The following MBNL2 variants were observed in gnomAD, a reference collection of about 807,000 sequenced individuals.
MBNL2 encodes muscleblind like splicing regulator 2.
MBNL2 carries 17 observed loss-of-function variants against 41.9 expected under a neutral mutation model. The ratio of observed to expected loss-of-function variants is 0.41; its 90% CI spans 0.28 to 0.61. The LOEUF (loss-of-function observed/expected upper bound fraction) is 0.61, where lower values mean the gene tolerates loss of function less well. MBNL2 is among the 20% of genes least tolerant of loss of function. MBNL2 has a pLI of 0.35. For synonymous variants in MBNL2, 195 were observed against 182.9 expected, an observed-to-expected ratio of 1.07 and a Z score of -0.53; for missense variants, 336 against 505.6, an observed-to-expected ratio of 0.66 and a Z score of 3.22.
At chr13:97,173,738 C>G in the MBNL2 span, among the ~76,000 whole-genome samples, 1 of 152,204 alleles carries the variant, frequency 6.6e-6, no homozygotes, top group Admixed American at 6.5e-5. Flanking sequence ...CCCCCACAAA[C>G]AGCAGGATAT....
the MBNL2 span, among the ~76,000 whole-genome samples, chr13:97,187,243 G>A: frequency 1.3e-5 from 2 of 152,002 alleles, no homozygotes; most frequent in Non-Finnish European, 2.9e-5. Flanking sequence ...GTTTATAAAA[G>A]ATAGTCTTAT....
chr13:97,389,769 A>G (rs1442591943), intron 8 of MBNL2, among the ~76,000 whole-genome samples: 1 of 152,088 alleles, frequency 6.6e-6, no homozygotes, highest in African/African-American at 2.4e-5. Flanking sequence ...GTTATTTTAG[A>G]AACTTTTTTT....
At chr13:97,327,353 G>A (rs538657876) in intron 2 of MBNL2, among the ~76,000 whole-genome samples, 2 of 152,044 alleles carry the variant, frequency 1.3e-5, no homozygotes, top group African/African-American at 4.8e-5. Context: ...TGTAACTGTT[G>A]TTTCATGTGG....
At chr13:97,288,381 T>C (rs2055102499) in intron 2 of MBNL2, among the ~76,000 whole-genome samples, 1 of 152,210 alleles carries the variant, frequency 6.6e-6, no homozygotes. Flanking sequence ...TTAAGCCATT[T>C]TCTGTTAGCA....
chr13:97,231,804 T>G (rs914125671), intron 1 of MBNL2, among the ~76,000 whole-genome samples: 12 of 152,102 alleles, frequency 7.9e-5, no homozygotes, highest in South Asian at 2.1e-4. Flanking sequence ...CAGAGTTGTT[T>G]TTTTTTTTAT....
Position 97,392,796 on chromosome 13 carries a change from T to TA in MBNL2, c.*1353dup, listed in dbSNP as rs1286802651. On this transcript the variant is annotated 3_prime_UTR_variant, in exon 9 of 9. Coordinates refer to ENST00000679496, the MANE Select transcript of MBNL2 (RefSeq NM_001382683.1). ...CCTACATAGTTTTTAAATTATTGTT[T>TA]AAAAAACAAAACAGCTGTTATAAAT... The TA allele has an allele frequency of 6.6e-6, 1 of 152,458 alleles. No individual in the cohort carries two copies. Among genetic ancestry groups the TA allele is most frequent in the African/African-American group, 2.4e-5 (1 of 41,446 alleles). The allele number at this position is 152,458 out of a possible 1,614,324, so 9.4% of individuals were successfully genotyped here.
intron 1 of MBNL2, among the ~76,000 whole-genome samples, chr13:97,264,110 C>A (rs2049235746): frequency 6.6e-6 from 1 of 150,884 alleles, no homozygotes; most frequent in South Asian, 2.1e-4. Flanking sequence ...TCCCGAGTAG[C>A]TGGGGCTCGG....
At position 97,346,818 on chromosome 13, in the gene MBNL2, C is replaced by A; in HGVS notation, c.555C>A (p.Phe185Leu). ...RTDKLEVCRE[F>L]QRGNCARGET... ...CCCTGTCTTAGGTATGCAGGGAGTT[C>A]CAGCGAGGAAACTGTGCCCGGGGAG... The change falls in exon 5 of 9, where the codon TTC becomes TTA. Residue 185 changes from phenylalanine (F) to leucine (L), a missense_variant. Physicochemically the swap from Phe to Leu is conservative, Grantham distance 22. Coordinates refer to ENST00000679496, the MANE Select transcript of MBNL2 (RefSeq NM_001382683.1). The surrounding 1 kb of genome is among the most constrained non-coding windows in gnomAD (Gnocchi z 4.2). 1 of 1,613,898 alleles carries A rather than the reference C, an allele frequency of 6.2e-7. No homozygotes were observed. The highest frequency in any genetic ancestry group is 8.5e-7 in the Non-Finnish European group (1 of 1,179,842).
chr13:97,261,454 CT>C (rs1011073485), intron 1 of MBNL2, among the ~76,000 whole-genome samples: 2 of 152,192 alleles, frequency 1.3e-5, no homozygotes, highest in African/African-American at 4.8e-5. Context: ...CCTTTTTGTT[CT>C]TTTAAATTGT....
At chr13:97,332,581 A>T (rs896596778) in intron 2 of MBNL2, among the ~76,000 whole-genome samples, 4 of 152,244 alleles carry the variant, frequency 2.6e-5, no homozygotes, top group Non-Finnish European at 4.4e-5. Flanking sequence ...TAAAAATTTT[A>T]AAAAGATTCA....
the MBNL2 span, among the ~76,000 whole-genome samples, chr13:97,180,754 A>C: frequency 5.2e-5 from 7 of 135,662 alleles, no homozygotes; most frequent in Non-Finnish European, 9.6e-5. Flanking sequence ...AAAAAAAAAA[A>C]AAAAAAAAAA....
At chr13:97,391,273 T>A (rs1414840272) in intron 8 of MBNL2, 49 bp from the exon 9 acceptor site, 1 of 822,718 alleles carries the variant, frequency 1.2e-6, no homozygotes, top group Non-Finnish European at 2.1e-6. Context: ...ACTCATTATT[T>A]TTCCTCCCAG....
chr13:97,312,693 AT>A (rs1228694343), intron 2 of MBNL2, among the ~76,000 whole-genome samples: 1 of 152,302 alleles, frequency 6.6e-6, no homozygotes, highest in East Asian at 1.9e-4. Context: ...CACAACTTAG[AT>A]TCATTTTATT....
rs1279708751 is a variant in MBNL2, at chr13:97,276,289, C to T, written c.54C>T (p.Val18=). 1 of 1,613,878 alleles carries T rather than the reference C, an allele frequency of 6.2e-7. No individual in the cohort carries two copies. Among genetic ancestry groups the T allele is most frequent in the Non-Finnish European group, 8.5e-7 (1 of 1,179,882 alleles). ...VRDTKWLTLE[V]CRQFQRGTCS... The stretch of plus-strand genomic sequence containing the variant: ...ATACAAAATGGCTGACATTAGAAGT[C>T]TGCAGACAGTTTCAAAGAGGAACAT... Residue 18 remains valine, a synonymous_variant, in exon 2 of 9, where the codon GTC becomes GTT. Coordinates refer to ENST00000679496, the MANE Select transcript of MBNL2 (RefSeq NM_001382683.1).
In MBNL2 at chr13:97,353,863, TG is replaced by T. The variant is rs76434097; in HGVS notation, c.805-2932del. Among the ~76,000 whole-genome samples the T allele has an allele frequency of 0.018, 2,746 of 152,256 alleles. 118 individuals carry two copies. In the East Asian group the frequency reaches 0.18, roughly 10 times the overall value. ...TACGTTTCGATTGTTCAGGAAAGTC[TG>T]TACAGGAACTTTGATTGGCATCCTG... On this transcript the variant is annotated intron_variant, in intron 5 of 8. Transcript: ENST00000679496.
intron 1 of MBNL2, among the ~76,000 whole-genome samples, chr13:97,264,147 C>A (rs1160796922): frequency 1.3e-5 from 2 of 151,766 alleles, no homozygotes; most frequent in African/African-American, 4.8e-5. Context: ...CCTGCCTCAG[C>A]CTCCCGAGTA....
chr13:97,346,707 A>G lies in MBNL2; in HGVS notation c.541-97A>G, dbSNP rs1181533434. On this transcript the variant is annotated intron_variant, in intron 4 of 8. Coordinates refer to ENST00000679496, the MANE Select transcript of MBNL2 (RefSeq NM_001382683.1). This position sits in a 1 kb window ranked among gnomAD's most constrained non-coding sequence, Gnocchi z 4.2. ...CAGTGGTACATGAGCCACCATTGAA[A>G]GCGAGGCAGCCTCCGCTCCTCCCGC... The G allele has an allele frequency of 2.1e-6, 2 of 937,990 alleles. No individual in the cohort carries two copies. The highest frequency in any genetic ancestry group is 2.6e-5 in the Admixed American group (1 of 39,078). 58.1% of individuals were successfully genotyped at this position (937,990 alleles called of 1,614,324 possible). A position where few individuals can be genotyped will look rare whatever the true frequency, so the allele number is the denominator to read the frequency against.
chr13:97,253,791 CTTA>C (rs1253915118), intron 1 of MBNL2, among the ~76,000 whole-genome samples: 1 of 151,186 alleles, frequency 6.6e-6, no homozygotes, highest in African/African-American at 2.4e-5. Context: ...TTAATAAGTT[CTTA>C]TTAATACTTA....
chr13:97,289,219 G>A lies in MBNL2; in HGVS notation c.174+12810G>A, dbSNP rs570854862. Among the ~76,000 whole-genome samples, 121 of 152,288 alleles carry A rather than the reference G, an allele frequency of 7.9e-4. 1 individual carries two copies. The highest frequency in any genetic ancestry group is 2.8e-3 in the African/African-American group (116 of 41,566). On this transcript the variant is annotated intron_variant, in intron 2 of 8. Transcript: ENST00000679496. ...ATCTTAATATAAAAACTTATGTGTT[G>A]AAAAGTAGAATAGAATATATAGATG...
Sources: gnomAD v4.1 joint callset for allele counts (sites outside exome capture counted in the v4.1 genomes callset) on GRCh38, gnomAD v4.1.1 for gene constraint, Gnocchi (gnomAD v3.1) non-coding constraint, MANE v1.5 for transcripts, NCBI Gene and HGNC (gene_info 2026-07-23, HGNC 2026-07-21) for gene names.